Variants in SLC16A12 observed in about 807,000 individuals in gnomAD.
The protein encoded by SLC16A12 is monocarboxylate transporter 12.
SLC16A12 carries 17 observed loss-of-function variants against 42.4 expected under a neutral mutation model. The ratio of observed to expected loss-of-function variants is 0.40; its 90% CI spans 0.27 to 0.60. The LOEUF (loss-of-function observed/expected upper bound fraction) is 0.60. Among genes scored for constraint, SLC16A12 ranks in the 20% least tolerant of loss-of-function variants. The pLI, the probability that SLC16A12 is intolerant of heterozygous loss-of-function variation, is 0.42. For missense variants in SLC16A12, 544 were observed against 623.0 expected, an observed-to-expected ratio of 0.87 and a Z score of 1.35; for synonymous variants, 224 against 229.4, an observed-to-expected ratio of 0.98 and a Z score of 0.21.
Position 89,517,900 on chromosome 10 carries a change from C to T in SLC16A12, c.-47+16601G>A, listed in dbSNP as rs1843281655. On this transcript the variant is annotated intron_variant, in intron 2 of 7. Coordinates refer to ENST00000371790, the MANE Select transcript of SLC16A12 (RefSeq NM_213606.4). Reference sequence around the variant, plus strand: ...AAAAAGGAAAAATTAAGAAACACTACTATATTAAATATATACACCTAAGAT... The same window carrying T: ...AAAAAGGAAAAATTAAGAAACACTATTATATTAAATATATACACCTAAGAT... Among the ~76,000 whole-genome samples the T allele has an allele frequency of 3.3e-5, 5 of 152,274 alleles. 1 individual carries two copies. The South Asian group carries it at 1.0e-3, about 32-fold the overall frequency.
rs1002724889 is a variant in SLC16A12, at chr10:89,432,155, A to T, written c.*909T>A. 6.6e-6 allele frequency: 1 copy of T among 152,656 alleles called. No individual in the cohort carries two copies. Among genetic ancestry groups the T allele is most frequent in the Non-Finnish European group, 1.5e-5 (1 of 68,040 alleles). The allele number at this position is 152,656 out of a possible 1,614,324, so 9.5% of individuals were successfully genotyped here. ...CTAACAGGAATGCGTCTGCAGTCTA[A>T]GTAAGAGCTTCTTCTCTGAAGGTAA... On this transcript the variant is annotated 3_prime_UTR_variant, in exon 8 of 8. Coordinates refer to ENST00000371790, the MANE Select transcript of SLC16A12 (RefSeq NM_213606.4).
chr10:89,461,590 A>G lies in SLC16A12; in HGVS notation c.200+789T>C, dbSNP rs527252605. ...CTTAAAGCCACATCACACCATTATG[A>G]CTATGATCTCTTGCCATCAGTTTGC... On this transcript the variant is annotated intron_variant, in intron 3 of 7. Coordinates refer to ENST00000371790, the MANE Select transcript of SLC16A12 (RefSeq NM_213606.4). 1.1e-3 allele frequency among the ~76,000 whole-genome samples: 160 copies of G among 152,344 alleles called. 1 individual carries two copies. Among genetic ancestry groups the G allele is most frequent in the African/African-American group, 3.7e-3 (155 of 41,584 alleles).
At chr10:89,532,371 C>T (rs1843569078) in intron 2 of SLC16A12, among the ~76,000 whole-genome samples, 2 of 152,162 alleles carry the variant, frequency 1.3e-5, no homozygotes, top group South Asian at 4.1e-4. Flanking sequence ...CAGACACCAC[C>T]TTCAAACAGG....
intron 3 of SLC16A12, among the ~76,000 whole-genome samples, chr10:89,448,063 A>T (rs1271153051): frequency 6.6e-6 from 1 of 152,218 alleles, no homozygotes; most frequent in Non-Finnish European, 1.5e-5. Context: ...AACCAGGACG[A>T]AGCTGAATCC....
intron 2 of SLC16A12, among the ~76,000 whole-genome samples, chr10:89,497,724 T>C (rs1408488044): frequency 1.4e-5 from 2 of 139,892 alleles, no homozygotes; most frequent in Non-Finnish European, 3.1e-5. Flanking sequence ...TTAATAGGGG[T>C]AGAGATCAGA....
At chr10:89,445,774 T>C (rs1279133551) in intron 3 of SLC16A12, among the ~76,000 whole-genome samples, 2 of 152,124 alleles carry the variant, frequency 1.3e-5, no homozygotes, top group African/African-American at 2.4e-5. Flanking sequence ...TTGACAGAAG[T>C]AGGCTTCAGA....
chr10:89,460,314 AT>A (rs2133741325), intron 3 of SLC16A12, among the ~76,000 whole-genome samples: 1 of 152,284 alleles, frequency 6.6e-6, no homozygotes, highest in African/African-American at 2.4e-5. Context: ...ACAGACTCAT[AT>A]TATAGACTCA....
intron 2 of SLC16A12, among the ~76,000 whole-genome samples, chr10:89,508,563 GAC>G (rs201876228): frequency 0.038 from 5,858 of 152,232 alleles, 140 homozygotes; most frequent in Non-Finnish European, 0.042. Flanking sequence ...GAATCTCTGG[GAC>G]ACATTTAAAG....
chr10:89,452,553 A>G (rs1392122760), intron 3 of SLC16A12, among the ~76,000 whole-genome samples: 1 of 152,306 alleles, frequency 6.6e-6, no homozygotes, highest in East Asian at 1.9e-4. Flanking sequence ...AGTACATTTA[A>G]CAGCATTTTC....
At chr10:89,541,346 A>G (rs572633459) in intron 2 of SLC16A12, among the ~76,000 whole-genome samples, 2 of 152,262 alleles carry the variant, frequency 1.3e-5, no homozygotes, top group South Asian at 2.1e-4. Flanking sequence ...CTGTAATCCA[A>G]CATTTTGGGA....
intron 2 of SLC16A12, among the ~76,000 whole-genome samples, chr10:89,552,815 T>G (rs1843779562): frequency 6.6e-6 from 1 of 152,162 alleles, no homozygotes; most frequent in East Asian, 1.9e-4. Context: ...TTGGCTTTCC[T>G]CTCGGAGTGT....
At chr10:89,482,749 C>A (rs184615611) in intron 2 of SLC16A12, among the ~76,000 whole-genome samples, 29 of 149,418 alleles carry the variant, frequency 1.9e-4, no homozygotes, top group African/African-American at 6.9e-4. Context: ...CACTACTGAA[C>A]TACAGCCTGG....
At chr10:89,452,012 G>A (rs1418648584) in intron 3 of SLC16A12, among the ~76,000 whole-genome samples, 1 of 152,176 alleles carries the variant, frequency 6.6e-6, no homozygotes, top group African/African-American at 2.4e-5. Context: ...TTCAAATGCA[G>A]AAAGAAGGCA....
intron 2 of SLC16A12, among the ~76,000 whole-genome samples, chr10:89,554,068 GAAAGAAAGAAAGAAAGAAAGAAAGAAA>G (rs1843788980): frequency 1.9e-5 from 2 of 105,652 alleles, no homozygotes; most frequent in East Asian, 2.9e-4. Flanking sequence ...AAGAAAGAAA[GAAAGAAAGAAAGAAAGAAAGAAAGAAA>G]GAAAGAAGGA....
intron 2 of SLC16A12, among the ~76,000 whole-genome samples, chr10:89,510,200 C>A (rs1027563530): frequency 1.3e-5 from 2 of 152,166 alleles, no homozygotes; most frequent in African/African-American, 4.8e-5. Flanking sequence ...CATCAAGCTA[C>A]CACTGACTTT....
At chr10:89,540,159 C>G (rs1843706840), upstream of SLC16A12, among the ~76,000 whole-genome samples, 1 of 151,758 alleles carries the variant, frequency 6.6e-6, no homozygotes, top group Non-Finnish European at 1.5e-5. Context: ...AGTGCAGTGG[C>G]ATCGTCACAG....
intron 2 of SLC16A12, among the ~76,000 whole-genome samples, chr10:89,481,918 A>T (rs1043236196): frequency 6.6e-6 from 1 of 152,122 alleles, no homozygotes; most frequent in Non-Finnish European, 1.5e-5. Context: ...TCTTTCATAA[A>T]CTTCTTGAGA....
chr10:89,497,832 G>A (rs1412513962), intron 2 of SLC16A12, among the ~76,000 whole-genome samples: 2 of 152,010 alleles, frequency 1.3e-5, no homozygotes, highest in Non-Finnish European at 2.9e-5. Context: ...ATTTCCTACT[G>A]AGGTCTCAGA....
intron 2 of SLC16A12, among the ~76,000 whole-genome samples, chr10:89,542,180 CTA>C (rs1332732025): frequency 6.6e-6 from 1 of 151,654 alleles, no homozygotes; most frequent in African/African-American, 2.4e-5. Flanking sequence ...AGGTAGAAGA[CTA>C]TTTTTACAAA....
Sources: gnomAD v4.1 joint callset for allele counts (sites outside exome capture counted in the v4.1 genomes callset) on GRCh38, gnomAD v4.1.1 for gene constraint, MANE v1.5 for transcripts, NCBI Gene and HGNC (gene_info 2026-07-23, HGNC 2026-07-21) for gene names.